ARSK: variants seen among roughly 807,000 people sequenced by gnomAD.
ARSK encodes arylsulfatase K.
In ARSK, 37 loss-of-function variants were observed where a neutral mutation model predicts 53.2. The ratio of observed to expected loss-of-function variants is 0.70; its 90% CI spans 0.54 to 0.92. ARSK has a LOEUF of 0.92. ARSK is among the 40% of genes least tolerant of loss of function. ARSK has a pLI of 0.00. For synonymous variants in ARSK, 208 were observed against 223.2 expected, an observed-to-expected ratio of 0.93 and a Z score of 0.61; for missense variants, 613 against 643.0, an observed-to-expected ratio of 0.95 and a Z score of 0.51.
At chr5:95,580,019 T>A (rs992454231) in intron 3 of ARSK, among the ~76,000 whole-genome samples, 4 of 152,194 alleles carry the variant, frequency 2.6e-5, no homozygotes, top group Admixed American at 2.6e-4. Flanking sequence ...TCCTTAGGGA[T>A]CCCTGTACTA....
At chr5:95,556,185 A>G (rs1748502098) in intron 1 of ARSK, 1 of 702,212 alleles carries the variant, frequency 1.4e-6, no homozygotes, top group South Asian at 1.5e-5. Context: ...TTGTAATCAT[A>G]TGTTGTATTT....
At chr5:95,580,317 C>T (rs1325403994) in intron 3 of ARSK, among the ~76,000 whole-genome samples, 1 of 152,114 alleles carries the variant, frequency 6.6e-6, no homozygotes, top group African/African-American at 2.4e-5. Flanking sequence ...AAAGTTATAG[C>T]AATTACTGGT....
At chr5:95,588,115 A>C (rs1749152522) in intron 5 of ARSK, among the ~76,000 whole-genome samples, 1 of 152,168 alleles carries the variant, frequency 6.6e-6, no homozygotes, top group Admixed American at 6.5e-5. Flanking sequence ...GTATCTAATA[A>C]AATGAAAGAA....
At chr5:95,576,699 A>G (rs1017186161) in intron 3 of ARSK, among the ~76,000 whole-genome samples, 2 of 151,750 alleles carry the variant, frequency 1.3e-5, no homozygotes, top group Non-Finnish European at 2.9e-5. Context: ...AGCCTGGCCA[A>G]CATGGTGAAA....
At chr5:95,567,745 A>G in intron 2 of ARSK, 145 bp from the exon 3 acceptor site, 1 of 665,008 alleles carries the variant, frequency 1.5e-6, no homozygotes, top group East Asian at 2.8e-5. Context: ...ACAATCAGAA[A>G]TGTTTGGTAA....
At chr5:95,565,924 A>C in intron 1 of ARSK, 74 bp from the exon 2 acceptor site, 2 of 1,391,808 alleles carry the variant, frequency 1.4e-6, no homozygotes, top group Non-Finnish European at 1.9e-6. Flanking sequence ...TGCTATTGTA[A>C]ATTTTATGGT....
In ARSK at chr5:95,603,645, C is replaced by G; in HGVS notation, c.*119C>G. The G allele has an allele frequency of 1.1e-6, 1 of 910,204 alleles. No homozygotes were observed. The allele number at this position is 910,204 out of a possible 1,614,324, so 56.4% of individuals were successfully genotyped here. A position where few individuals can be genotyped will look rare whatever the true frequency, so the allele number is the denominator to read the frequency against. On this transcript the variant is annotated 3_prime_UTR_variant, in exon 8 of 8. Transcript: ENST00000380009. ...CAAGTTTTGGCCGGGCACAGTGGCT[C>G]ACACCTGTAATCCCAGGACTTTGGG...
At chr5:95,558,230 G>T (rs531780588) in intron 1 of ARSK, among the ~76,000 whole-genome samples, 6 of 152,152 alleles carry the variant, frequency 3.9e-5, no homozygotes, top group Non-Finnish European at 8.8e-5. Context: ...TGCCAAGTGC[G>T]GAAAGTTGAG....
chr5:95,577,051 G>A (rs1328645597), intron 3 of ARSK, among the ~76,000 whole-genome samples: 1 of 152,204 alleles, frequency 6.6e-6, no homozygotes, highest in African/African-American at 2.4e-5. Flanking sequence ...CCTACATAAT[G>A]TGGCCAACTA....
At position 95,597,363 on chromosome 5, in the gene ARSK, A is replaced by G. The variant is rs1580231693; in HGVS notation, c.1097-3484A>G. Among the ~76,000 whole-genome samples, 5 of 152,276 alleles carry G rather than the reference A, an allele frequency of 3.3e-5. 1 individual carries two copies. Among genetic ancestry groups the G allele is most frequent in the Admixed American group, 3.3e-4 (5 of 15,292 alleles). On this transcript the variant is annotated intron_variant, in intron 6 of 7. Coordinates refer to ENST00000380009, the MANE Select transcript of ARSK (RefSeq NM_198150.3). ...ATTTCAAAACCCTTCTTGTTACAGG[A>G]CCTTAGTGGAAGCCTGGGGGTTGGC... is the stretch of plus-strand genomic sequence containing the variant.
intron 5 of ARSK, among the ~76,000 whole-genome samples, chr5:95,590,013 G>A (rs1451355491): frequency 2.0e-5 from 3 of 152,146 alleles, no homozygotes; most frequent in Non-Finnish European, 4.4e-5. Flanking sequence ...TTTATTGAAT[G>A]AGCATAATCG....
chr5:95,600,762 A>C, intron 6 of ARSK, 85 bp from the exon 7 acceptor site: 3 of 1,337,392 alleles, frequency 2.2e-6, no homozygotes, highest in Non-Finnish European at 3.2e-6. Context: ...ATGGTATGAA[A>C]AAAATGTGAA....
At chr5:95,563,543 T>A (rs1748676052) in intron 1 of ARSK, among the ~76,000 whole-genome samples, 1 of 152,234 alleles carries the variant, frequency 6.6e-6, no homozygotes, top group South Asian at 2.1e-4. Context: ...TCTGCCACTA[T>A]ATTTCAAAGA....
Position 95,583,083 on chromosome 5 carries a change from C to G in ARSK, c.584C>G (p.Thr195Ser). 1 of 1,613,768 alleles carries G rather than the reference C, an allele frequency of 6.2e-7. No individual in the cohort carries two copies. Among genetic ancestry groups the G allele is most frequent in the South Asian group, 1.1e-5 (1 of 91,050 alleles). The change falls in exon 4 of 8, where the codon ACT becomes AGT. Residue 195 changes from threonine (T) to serine (S), a missense_variant. Physicochemically the swap from Thr to Ser is moderately conservative, Grantham distance 58. Transcript: ENST00000380009. ...NWLRKEAINYTEPFVIYLGLN... is the reference protein window; with the variant it reads ...NWLRKEAINYSEPFVIYLGLN... ...TTAAGAAAGGAAGCAATTAATTACA[C>G]TGAACCATTTGTTATTTACTTGGGA...
At chr5:95,587,340 T>A (rs1457377056) in intron 5 of ARSK, among the ~76,000 whole-genome samples, 1 of 152,194 alleles carries the variant, frequency 6.6e-6, no homozygotes, top group Non-Finnish European at 1.5e-5. Flanking sequence ...AGTTTCCAGT[T>A]CATGTGTGGA....
intron 6 of ARSK, among the ~76,000 whole-genome samples, chr5:95,597,141 C>A (rs181018495): frequency 6.6e-6 from 1 of 152,020 alleles, no homozygotes; most frequent in Non-Finnish European, 1.5e-5. Context: ...CTAAAGGTGT[C>A]TCGTTTTGTA....
intron 3 of ARSK, among the ~76,000 whole-genome samples, chr5:95,572,467 G>C (rs1748849035): frequency 6.6e-6 from 1 of 152,196 alleles, no homozygotes; most frequent in African/African-American, 2.4e-5. Context: ...CAAATTTGCT[G>C]TCTTCTTATC....
chr5:95,586,750 AT>A lies in ARSK; in HGVS notation c.871+18del. The A allele has an allele frequency of 1.9e-6, 3 of 1,553,676 alleles. No homozygotes were observed. The highest frequency in any genetic ancestry group is 2.6e-6 in the Non-Finnish European group (3 of 1,151,252). ...CCATGCTTGGTAGGTGGTATAATTA[AT>A]AAGCAATTACATGAAGAAAAATTAT... On this transcript the variant is annotated intron_variant, in intron 5 of 7. Transcript: ENST00000380009.
chr5:95,566,209 G>A, intron 2 of ARSK, 82 bp downstream of exon 2: 1 of 1,510,826 alleles, frequency 6.6e-7, no homozygotes, highest in Non-Finnish European at 9.0e-7. Flanking sequence ...ATACCTAAAA[G>A]TAGAATAGTT....
Sources: gnomAD v4.1 joint callset for allele counts (sites outside exome capture counted in the v4.1 genomes callset) on GRCh38, gnomAD v4.1.1 for gene constraint, MANE v1.5 for transcripts, NCBI Gene and HGNC (gene_info 2026-07-23, HGNC 2026-07-21) for gene names.